The following CEP192 variants were observed in gnomAD, a reference collection of about 807,000 sequenced individuals.
CEP192 encodes centrosomal protein of 192 kDa.
Under a neutral mutation model 271.8 loss-of-function variants are expected in CEP192, and 151 were observed. The ratio of observed to expected loss-of-function variants is 0.56; its 90% confidence interval spans 0.49 to 0.64. The LOEUF (loss-of-function observed/expected upper bound fraction) is 0.64. Among genes scored for constraint, CEP192 ranks in the 30% least tolerant of loss-of-function variants. The pLI is 0.00. For missense variants in CEP192, 2,910 were observed against 3,020.5 expected, an observed-to-expected ratio of 0.96 and a Z score of 0.86; for synonymous variants, 995 against 1,076.5, an observed-to-expected ratio of 0.92 and a Z score of 1.48.
intron 6 of CEP192, 109 bp downstream of exon 6, chr18:13,015,557 T>G: frequency 9.9e-7 from 1 of 1,007,426 alleles, no homozygotes; most frequent in Non-Finnish European, 1.5e-6. Context: ...TGTCCTTACC[T>G]TTTCTTCCTA....
intron 21 of CEP192, among the ~76,000 whole-genome samples, chr18:13,066,895 C>T (rs1339919851): frequency 6.6e-6 from 1 of 151,928 alleles, no homozygotes; most frequent in Non-Finnish European, 1.5e-5. Context: ...TCAGCTCCTA[C>T]TTACTGGTCT....
chr18:13,112,812 A>G (rs1250812899), intron 40 of CEP192, among the ~76,000 whole-genome samples: 1 of 152,178 alleles, frequency 6.6e-6, no homozygotes, highest in African/African-American at 2.4e-5. Context: ...TAGGCCACCT[A>G]TGTGTTTTAA....
At position 13,087,209 on chromosome 18, in the gene CEP192, G is replaced by C. The variant is rs759274868; in HGVS notation, c.5809G>C (p.Val1937Leu). 8 of 1,613,632 alleles carry C rather than the reference G, an allele frequency of 5.0e-6. No homozygotes were observed. In the South Asian group the frequency reaches 8.8e-5, roughly 18 times the overall value. ...AVGFKDSQKK[V>L]LLDPKVLRIF... ...AGGTTTTAAGGATTCTCAGAAAAAAGTTTTGCTGGATCCTAAAGTATTGAG... is the reference window on the plus strand; with the variant it reads ...AGGTTTTAAGGATTCTCAGAAAAAACTTTTGCTGGATCCTAAAGTATTGAG... The change falls in exon 31 of 45, where the codon GTT (valine) becomes CTT (leucine). Residue 1937 changes from valine to leucine, a missense_variant. Physicochemically the swap from Val to Leu is conservative, Grantham distance 32. Coordinates refer to ENST00000506447, the MANE Select transcript of CEP192 (RefSeq NM_032142.4).
rs116488229 is a variant in CEP192, at chr18:13,101,435, A to G, written c.6871+923A>G. ...AGCATTCGTGTTCAGTAATGGTGAT[A>G]TATGTACAGCAGTTAGCATGGTGTT... On this transcript the variant is annotated intron_variant, in intron 38 of 44. Transcript: ENST00000506447. Among the ~76,000 whole-genome samples, 1,509 of 152,260 alleles carry G rather than the reference A, an allele frequency of 9.9e-3. 22 individuals are homozygous for G. Among genetic ancestry groups the G allele is most frequent in the African/African-American group, 0.035 (1,445 of 41,544 alleles).
intron 1 of CEP192, among the ~76,000 whole-genome samples, chr18:12,996,962 G>A (rs2033286180): frequency 6.6e-6 from 1 of 152,158 alleles, no homozygotes; most frequent in Admixed American, 6.5e-5. Context: ...CTGTGATAAA[G>A]GGAGCATGGA....
intron 40 of CEP192, among the ~76,000 whole-genome samples, chr18:13,109,409 T>A (rs939640180): frequency 6.6e-6 from 1 of 152,170 alleles, no homozygotes; most frequent in Non-Finnish European, 1.5e-5. Context: ...GGAAAAGGGC[T>A]GAAAAATTAA....
rs111627136 is a variant in CEP192 at position 13,119,588 on chromosome 18, A to G, written c.7475+1945A>G. Among the ~76,000 whole-genome samples, 218 of 152,254 alleles carry G rather than the reference A, an allele frequency of 1.4e-3. 1 individual carries two copies. In the Middle Eastern group the frequency reaches 0.02, roughly 14 times the overall value. The stretch of plus-strand genomic sequence containing the variant: ...GAAACCCCATCTCCACTAAAACTGC[A>G]AAAATTAGCCACGCATGGTGGCAGG... On this transcript the variant is annotated intron_variant, in intron 44 of 44. Transcript: ENST00000506447.
At chr18:13,068,444 G>T in intron 24 of CEP192, 22 bp downstream of exon 24, 1 of 1,563,238 alleles carries the variant, frequency 6.4e-7, no homozygotes, top group Non-Finnish European at 8.8e-7. Flanking sequence ...ACACTGTGTG[G>T]GAATTGCTTT....
In CEP192 at chr18:13,092,486, A is replaced by T. The variant is rs150643168; in HGVS notation, c.6213A>T (p.Glu2071Asp). Reference sequence around the variant, plus strand: ...TCAGAGATTGCATTTCTAGCAGAGAATTCCTTCAGCCTTCTTCCAAAGCTA... The same window carrying T: ...TCAGAGATTGCATTTCTAGCAGAGATTTCCTTCAGCCTTCTTCCAAAGCTA... ...GEFRDCISSREFLQPSSKASL... is the reference protein window; with the variant it reads ...GEFRDCISSRDFLQPSSKASL... Residue 2071 changes from glutamate (E) to aspartate (D), a missense_variant, in exon 34 of 45, where the codon GAA (glutamate) becomes GAT (aspartate). Transcript: ENST00000506447. 13 of 1,609,932 alleles carry T rather than the reference A, an allele frequency of 8.1e-6. No individual in the cohort carries two copies. The African/African-American group carries it at 1.5e-4, about 18-fold the overall frequency.
intron 18 of CEP192, among the ~76,000 whole-genome samples, chr18:13,053,600 G>A (rs552240076): frequency 1.8e-4 from 28 of 152,288 alleles, no homozygotes; most frequent in African/African-American, 6.3e-4. Context: ...GCTAGAAGAG[G>A]GGGGACCAAA....
chr18:13,117,794 C>T, intron 44 of CEP192, 151 bp downstream of exon 44: 1 of 576,618 alleles, frequency 1.7e-6, no homozygotes, highest in East Asian at 2.9e-5. Flanking sequence ...CAAGTAGAAG[C>T]AGAGAAAAGG....
At chr18:13,078,042 C>T (rs1314936451) in intron 30 of CEP192, among the ~76,000 whole-genome samples, 2 of 152,132 alleles carry the variant, frequency 1.3e-5, no homozygotes, top group Admixed American at 6.6e-5. Flanking sequence ...CACATCTACC[C>T]GTCATCTACA....
At chr18:13,100,211 C>T in intron 37 of CEP192, 94 bp from the exon 38 acceptor site, 3 of 793,316 alleles carry the variant, frequency 3.8e-6, no homozygotes, top group Non-Finnish European at 4.1e-6. Flanking sequence ...GTTTGTTTGG[C>T]ATTTCTTTTC....
intron 30 of CEP192, among the ~76,000 whole-genome samples, chr18:13,073,769 A>G (rs1276151775): frequency 2.6e-5 from 4 of 152,220 alleles, no homozygotes; most frequent in African/African-American, 4.8e-5. Flanking sequence ...AAGCCCGTGC[A>G]TGGGGCTGGA....
chr18:13,014,774 C>T (rs1428371289), intron 5 of CEP192, among the ~76,000 whole-genome samples: 8 of 151,788 alleles, frequency 5.3e-5, no homozygotes. Flanking sequence ...AATATAATTC[C>T]TATGCTGGTG....
rs1254684909 is a variant in CEP192 at position 13,117,660 on chromosome 18, TCA to T, written c.7475+20_7475+21del. On this transcript the variant is annotated intron_variant, in intron 44 of 44. Transcript: ENST00000506447. ...CTCTTTGAGGTAAGTTTATCGCAGATCACAGTGTTCTCATCAGCGATGCAGGA... is the reference window on the plus strand; with the variant it reads ...CTCTTTGAGGTAAGTTTATCGCAGATCAGTGTTCTCATCAGCGATGCAGGA... 1.2e-6 allele frequency: 2 copies of T among 1,601,968 alleles called. No homozygotes were observed. The highest frequency in any genetic ancestry group is 1.3e-5 in the African/African-American group (1 of 74,650).
intron 17 of CEP192, among the ~76,000 whole-genome samples, chr18:13,052,517 A>G (rs2036851898): frequency 6.6e-6 from 1 of 152,204 alleles, no homozygotes; most frequent in African/African-American, 2.4e-5. Context: ...AAGTTGTACC[A>G]CTTGATAGTC....
chr18:13,085,724 G>C (rs1568394252), intron 30 of CEP192, among the ~76,000 whole-genome samples: 1 of 152,052 alleles, frequency 6.6e-6, no homozygotes, highest in Non-Finnish European at 1.5e-5. Context: ...TGTTATTTTT[G>C]AGGCCTCTAT....
At chr18:13,098,635 A>T (rs1257422038) in intron 36 of CEP192, among the ~76,000 whole-genome samples, 1 of 151,300 alleles carries the variant, frequency 6.6e-6, no homozygotes, top group Non-Finnish European at 1.5e-5. Context: ...GGCCGGGAAG[A>T]GGCGCTCCTC....
Sources: allele counts gnomAD v4.1 joint callset (sites outside exome capture counted in the v4.1 genomes callset), GRCh38; gene constraint gnomAD v4.1.1; transcripts MANE v1.5; gene names NCBI Gene and HGNC (gene_info 2026-07-23, HGNC 2026-07-21).